The following HEATR6 variants were observed in gnomAD, a reference collection of about 807,000 sequenced individuals.
HEATR6 encodes HEAT repeat containing 6, also known as HEAT repeat-containing protein 6.
In HEATR6, 106 loss-of-function variants were observed where a neutral mutation model predicts 132.8. The ratio of observed to expected loss-of-function variants is 0.80; its 90% CI spans 0.68 to 0.94. HEATR6 has a LOEUF of 0.94. Ranked by LOEUF, HEATR6 falls within the 40% of genes least tolerant of loss-of-function variation. HEATR6 has a pLI of 0.00. For missense variants in HEATR6, 1,339 were observed against 1,425.1 expected, an observed-to-expected ratio of 0.94 and a Z score of 0.97; for synonymous variants, 529 against 537.8, an observed-to-expected ratio of 0.98 and a Z score of 0.23.
At chr17:60,069,882 A>G in intron 6 of HEATR6, 34 bp from the exon 7 acceptor site, 2 of 1,603,654 alleles carry the variant, frequency 1.2e-6, no homozygotes, top group Non-Finnish European at 1.7e-6. Flanking sequence ...ACACACACAC[A>G]CGAAACCAAA....
rs1474526164 is a variant in HEATR6 at position 60,066,254 on chromosome 17, C to T, written c.1371G>A (p.Gln457=). Residue 457 remains glutamine (Q), a synonymous_variant, in exon 9 of 20, where the codon CAG becomes CAA. Coordinates refer to ENST00000184956, the MANE Select transcript of HEATR6 (RefSeq NM_022070.5). ...IPDTPELGSP[Q]SVSLMTLTLK... ...ATGTAAGAGTCATCAAGGACACTGA[C>T]TGTGGGCTGCCAAGTTCAGGCGTAT... 1 of 1,613,978 alleles carries T rather than the reference C, an allele frequency of 6.2e-7. No individual in the cohort carries two copies.
In HEATR6 at chr17:60,057,190, C is replaced by T; in HGVS notation, c.1937G>A (p.Gly646Glu). 1 of 1,614,088 alleles carries T rather than the reference C, an allele frequency of 6.2e-7. No homozygotes were observed. The highest frequency in any genetic ancestry group is 8.5e-7 in the Non-Finnish European group (1 of 1,180,006). ...AATGAGCCAGCAGGGCTCTGAAGAC[C>T]CCTTAGGTGAGCTAACTGACGTTTC... Reference protein sequence around the residue: ...LEETSVSSPKGSSEPCWLIRL... With the variant: ...LEETSVSSPKESSEPCWLIRL... Residue 646 changes from glycine to glutamate, a missense_variant, in exon 12 of 20, where the codon GGG becomes GAG. Gly to Glu is a moderately conservative substitution (Grantham distance 98). Coordinates refer to ENST00000184956, the MANE Select transcript of HEATR6 (RefSeq NM_022070.5).
chr17:60,059,248 G>A (rs1188964947), intron 11 of HEATR6, among the ~76,000 whole-genome samples, 174 bp downstream of exon 11: 1 of 152,138 alleles, frequency 6.6e-6, no homozygotes, highest in Non-Finnish European at 1.5e-5. Context: ...GGGACTTGAG[G>A]GGTCAATTCT....
At chr17:60,071,392 A>G (rs562432891) in intron 5 of HEATR6, among the ~76,000 whole-genome samples, 1 of 152,336 alleles carries the variant, frequency 6.6e-6, no homozygotes, top group Non-Finnish European at 1.5e-5. Context: ...GATGATTATG[A>G]TAATGATTAT....
At chr17:60,071,241 G>A (rs1444841245) in intron 5 of HEATR6, among the ~76,000 whole-genome samples, 1 of 152,066 alleles carries the variant, frequency 6.6e-6, no homozygotes, top group Non-Finnish European at 1.5e-5. Context: ...GTTTCTGGAG[G>A]GCAATTCTGA....
Position 60,069,768 on chromosome 17 carries a change from A to AT in HEATR6, c.881dup (p.Asp294GlufsTer22). 6.2e-7 allele frequency: 1 copy of AT among 1,614,134 alleles called. No individual in the cohort carries two copies. Among genetic ancestry groups the AT allele is most frequent in the Non-Finnish European group, 8.5e-7 (1 of 1,180,002 alleles). On this transcript the variant is annotated frameshift_variant, in exon 7 of 20. Transcript: ENST00000184956. LOFTEE classifies it high-confidence loss of function. ...GCTGTGGTTTGATAGGTGTTCGCCC[A>AT]TCATACTGAGGAAGCGGAGTTGGGT...
chr17:60,047,433 G>A (rs1391067744), intron 17 of HEATR6, 28 bp from the exon 18 acceptor site: 1 of 1,404,090 alleles, frequency 7.1e-7, no homozygotes, highest in Admixed American at 1.7e-5. Context: ...GACAACACAT[G>A]TTAAAAGGTA....
At chr17:60,067,269 C>CAAAAAAAA (rs11339664) in intron 8 of HEATR6, among the ~76,000 whole-genome samples, 165 bp downstream of exon 8, 2 of 61,110 alleles carry the variant, frequency 3.3e-5, no homozygotes, top group Non-Finnish European at 4.0e-5. Flanking sequence ...GACTCCGTCT[C>CAAAAAAAA]AAAAAAAAAA....
chr17:60,050,358 C>T (rs1166096315), intron 15 of HEATR6, among the ~76,000 whole-genome samples: 1 of 152,162 alleles, frequency 6.6e-6, no homozygotes, highest in Non-Finnish European at 1.5e-5. Flanking sequence ...TTAGAAGACA[C>T]CCAATTTATG....
rs778860215 is a variant in HEATR6 at position 60,076,220 on chromosome 17, A to G, written c.237T>C (p.Leu79=). ...GVAPEDVSAL[L]VQACRLVPLN... ...GAGGTACCAGTCGGCAAGCCTGGAC[A>G]AGAAGAGCACTAACGTCCTACCAAA... The change falls in exon 2 of 20, where the codon CTT becomes CTC. Residue 79 remains leucine (L), a synonymous_variant. Coordinates refer to ENST00000184956, the MANE Select transcript of HEATR6 (RefSeq NM_022070.5). The G allele has an allele frequency of 1.2e-5, 19 of 1,607,794 alleles. No individual in the cohort carries two copies. In the Admixed American group the frequency reaches 3.2e-4, roughly 27 times the overall value.
At chr17:60,065,308 A>T (rs1218000194) in intron 9 of HEATR6, among the ~76,000 whole-genome samples, 1 of 152,218 alleles carries the variant, frequency 6.6e-6, no homozygotes. Flanking sequence ...TTTCTTATAT[A>T]GTAAGTTACT....
intron 6 of HEATR6, 65 bp downstream of exon 6, chr17:60,070,641 T>C: frequency 1.1e-6 from 1 of 896,674 alleles, no homozygotes; most frequent in Non-Finnish European, 1.9e-6. Flanking sequence ...AATAAGGATG[T>C]AAAGTGGTCC....
intron 9 of HEATR6, 28 bp downstream of exon 9, chr17:60,066,181 A>G: frequency 6.3e-7 from 1 of 1,578,332 alleles, no homozygotes; most frequent in Non-Finnish European, 8.7e-7. Flanking sequence ...TCTTCCTATT[A>G]TAAAGCTTAG....
intron 9 of HEATR6, among the ~76,000 whole-genome samples, chr17:60,060,473 G>C (rs1317072483): frequency 1.3e-5 from 2 of 151,988 alleles, no homozygotes; most frequent in African/African-American, 4.8e-5. Flanking sequence ...ATTGCTGTTA[G>C]GTGTTTTACA....
At chr17:60,050,560 T>C (rs1478364257) in intron 15 of HEATR6, among the ~76,000 whole-genome samples, 1 of 152,170 alleles carries the variant, frequency 6.6e-6, no homozygotes, top group African/African-American at 2.4e-5. Context: ...CTTTTAAACT[T>C]TGGATATGAA....
At position 60,072,198 on chromosome 17, in the gene HEATR6, A is replaced by C; in HGVS notation, c.699+17T>G. 1 of 1,352,770 alleles carries C rather than the reference A, an allele frequency of 7.4e-7. No individual in the cohort carries two copies. Among genetic ancestry groups the C allele is most frequent in the South Asian group, 1.2e-5 (1 of 81,414 alleles). The allele number at this position is 1,352,770 out of a possible 1,614,324, so 83.8% of individuals were successfully genotyped here. On this transcript the variant is annotated intron_variant, in intron 5 of 19. Coordinates refer to ENST00000184956, the MANE Select transcript of HEATR6 (RefSeq NM_022070.5). ...ACACATCCGCAACATTCACTACGTC[A>C]ATGATAGTCCACTTACCATGCAAAA...
At position 60,073,285 on chromosome 17, in the gene HEATR6, A is replaced by T; in HGVS notation, c.469-6T>A. The T allele has an allele frequency of 2.6e-6, 4 of 1,517,000 alleles. No individual in the cohort carries two copies. The highest frequency in any genetic ancestry group is 3.7e-6 in the Non-Finnish European group (4 of 1,091,744). 94.0% of individuals were successfully genotyped at this position (1,517,000 alleles called of 1,614,324 possible). A position where few individuals can be genotyped will look rare whatever the true frequency, so the allele number is the denominator to read the frequency against. ...CCTAGCAGCTCTGGGAGGTACTAAG[A>T]AAAATAAGAGTCAATGTAGGTCAAA... On this transcript the variant is annotated splice_region_variant and splice_polypyrimidine_tract_variant and intron_variant, in intron 3 of 19. Transcript: ENST00000184956.
In HEATR6 at chr17:60,073,800, T is replaced by C; in HGVS notation, c.414A>G (p.Glu138=). 6.2e-7 allele frequency: 1 copy of C among 1,614,098 alleles called. No individual in the cohort carries two copies. The highest frequency in any genetic ancestry group is 8.5e-7 in the Non-Finnish European group (1 of 1,179,976). The part of the protein sequence containing the change: ...IHQCSSWTHR[E]ILQALAALVY... Reference sequence around the variant, plus strand: ...CCAGAGCTGCCAGGGCTTGAAGAATTTCCCTGTGTGTCCAGGAACTACACT... The same window carrying C: ...CCAGAGCTGCCAGGGCTTGAAGAATCTCCCTGTGTGTCCAGGAACTACACT... The change falls in exon 3 of 20, where the codon GAA becomes GAG. Residue 138 remains glutamate, a synonymous_variant. Coordinates refer to ENST00000184956, the MANE Select transcript of HEATR6 (RefSeq NM_022070.5).
intron 10 of HEATR6, 53 bp from the exon 11 acceptor site, chr17:60,059,574 G>C: frequency 8.1e-7 from 1 of 1,227,350 alleles, no homozygotes; most frequent in South Asian, 1.3e-5. Context: ...CCACAGCATA[G>C]AACAAATTTT....
Sources: gnomAD v4.1 joint callset for allele counts (sites outside exome capture counted in the v4.1 genomes callset) on GRCh38, gnomAD v4.1.1 for gene constraint, MANE v1.5 for transcripts, NCBI Gene and HGNC (gene_info 2026-07-23, HGNC 2026-07-21) for gene names.